Variants in VGLL4 observed in about 807,000 individuals in gnomAD.
VGLL4 encodes vestigial like family member 4.
VGLL4 carries 7 observed loss-of-function variants against 21.0 expected under a neutral mutation model. That is an observed-to-expected ratio of 0.33 (90% confidence interval 0.19 to 0.63). The LOEUF (loss-of-function observed/expected upper bound fraction) is 0.63, where lower values mean the gene tolerates loss of function less well. Among genes scored for constraint, VGLL4 ranks in the 20% least tolerant of loss-of-function variants. VGLL4 has a pLI of 0.78. For missense variants in VGLL4, 394 were observed against 425.7 expected, an observed-to-expected ratio of 0.93 and a Z score of 0.66; for synonymous variants, 222 against 173.2, an observed-to-expected ratio of 1.28 and a Z score of -2.21.
chr3:11,664,929 C>T (rs28631149), intron 2 of VGLL4, among the ~76,000 whole-genome samples: 4,315 of 151,374 alleles, frequency 0.029, 208 homozygotes, highest in African/African-American at 0.099. Context: ...ATTTTCTTTT[C>T]TCTATTTTTT....
At chr3:11,636,653 G>C (rs899954679) in intron 1 of VGLL4, among the ~76,000 whole-genome samples, 5 of 152,186 alleles carry the variant, frequency 3.3e-5, no homozygotes, top group Admixed American at 1.3e-4. Flanking sequence ...GAAAGTCGCT[G>C]TTCAGGCCCT....
chr3:11,718,402 G>A (rs945586099), intron 1 of VGLL4, among the ~76,000 whole-genome samples: 1 of 152,046 alleles, frequency 6.6e-6, no homozygotes, highest in Non-Finnish European at 1.5e-5. Flanking sequence ...CACACCACAG[G>A]GACAGCTTTA....
chr3:11,597,348 C>A (rs749533009), intron 2 of VGLL4, among the ~76,000 whole-genome samples: 7 of 152,234 alleles, frequency 4.6e-5, no homozygotes, highest in Admixed American at 3.3e-4. Flanking sequence ...AACTTCCAAA[C>A]AGACATTCAT....
At position 11,649,893 on chromosome 3, in the gene VGLL4, C is replaced by CGG. The variant is rs1559923451; in HGVS notation, c.65-47872_65-47871insCC. On this transcript the variant is annotated intron_variant, in intron 2 of 5. Transcript: ENST00000273038. ...AACTCCCCCACAGCACACAAGTGCT[C>CGG]TATTTGGTTTGGTTTGGTTTGGTTT... is the stretch of plus-strand genomic sequence containing the variant. 6.9e-5 allele frequency among the ~76,000 whole-genome samples: 10 copies of CGG among 145,588 alleles called. No homozygotes were observed. In the South Asian group the frequency reaches 1.6e-3, roughly 24 times the overall value.
chr3:11,586,398 G>A (rs1467790134), intron 2 of VGLL4, among the ~76,000 whole-genome samples: 1 of 152,130 alleles, frequency 6.6e-6, no homozygotes, highest in Non-Finnish European at 1.5e-5. Flanking sequence ...AATTTGGCTG[G>A]AATATGTAGA....
chr3:11,678,300 T>G (rs1337444915), intron 2 of VGLL4, among the ~76,000 whole-genome samples: 1 of 151,954 alleles, frequency 6.6e-6, no homozygotes, highest in African/African-American at 2.4e-5. Context: ...AAATGATGCA[T>G]CCGCCTCAGC....
At chr3:11,650,171 G>A (rs1575494606) in intron 2 of VGLL4, among the ~76,000 whole-genome samples, 1 of 152,110 alleles carries the variant, frequency 6.6e-6, no homozygotes, top group Non-Finnish European at 1.5e-5. Context: ...CTGGCCTTAA[G>A]CCATCCACCC....
At chr3:11,699,126 T>C (rs1352078156) in intron 2 of VGLL4, among the ~76,000 whole-genome samples, 3 of 152,168 alleles carry the variant, frequency 2.0e-5, no homozygotes, top group African/African-American at 2.4e-5. Context: ...AAAGCTAAAA[T>C]AGAATTAATG....
At chr3:11,590,602 G>C (rs554791614) in intron 2 of VGLL4, among the ~76,000 whole-genome samples, 1 of 152,062 alleles carries the variant, frequency 6.6e-6, no homozygotes, top group East Asian at 1.9e-4. Context: ...GAACATTACT[G>C]CAACATTAAG....
chr3:11,573,427 CAT>C (rs1331746298), intron 2 of VGLL4, among the ~76,000 whole-genome samples: 4 of 152,050 alleles, frequency 2.6e-5, no homozygotes, highest in Admixed American at 2.6e-4. Context: ...AGTCCTCAGA[CAT>C]GTGTCCTGGT....
intron 1 of VGLL4, among the ~76,000 whole-genome samples, chr3:11,634,335 C>A (rs2075544423): frequency 6.6e-6 from 1 of 152,106 alleles, no homozygotes; most frequent in South Asian, 2.1e-4. Flanking sequence ...TCTCCCTCAT[C>A]CGCTGTTCAA....
chr3:11,643,935 C>T (rs2075746215), upstream of VGLL4: 4 of 995,338 alleles, frequency 4.0e-6, no homozygotes, highest in South Asian at 8.9e-5. Flanking sequence ...GACTCCTATG[C>T]CGCCGCTTCC....
chr3:11,594,520 C>A (rs2074585920), intron 2 of VGLL4, among the ~76,000 whole-genome samples: 1 of 152,208 alleles, frequency 6.6e-6, no homozygotes. Flanking sequence ...AGTCTACACA[C>A]ACACAGGTGA....
chr3:11,611,177 A>G (rs1016476664), intron 1 of VGLL4, among the ~76,000 whole-genome samples: 5 of 152,286 alleles, frequency 3.3e-5, no homozygotes, highest in Non-Finnish European at 7.3e-5. Flanking sequence ...TGGCTGAACC[A>G]TGCCCACCCC....
At chr3:11,669,374 C>G (rs1239264946) in intron 2 of VGLL4, among the ~76,000 whole-genome samples, 1 of 151,934 alleles carries the variant, frequency 6.6e-6, no homozygotes, top group Non-Finnish European at 1.5e-5. Context: ...AGAGTAAGAC[C>G]CCGCCTCTAA....
intron 2 of VGLL4, among the ~76,000 whole-genome samples, chr3:11,593,217 A>G (rs1452434230): frequency 6.6e-6 from 1 of 152,212 alleles, no homozygotes; most frequent in Non-Finnish European, 1.5e-5. Flanking sequence ...ATACATCCAA[A>G]CTAAAGGCTC....
chr3:11,661,628 C>A (rs1284711413), intron 2 of VGLL4, among the ~76,000 whole-genome samples: 1 of 151,918 alleles, frequency 6.6e-6, no homozygotes, highest in Non-Finnish European at 1.5e-5. Context: ...TCCACCACCA[C>A]GCCCAGCTAA....
intron 1 of VGLL4, among the ~76,000 whole-genome samples, chr3:11,640,998 T>C (rs1228488700): frequency 1.3e-5 from 2 of 151,236 alleles, no homozygotes; most frequent in Non-Finnish European, 2.9e-5. Context: ...GCACCTGTAA[T>C]CCCAGCTACT....
Position 11,568,830 on chromosome 3 carries a change from ACT to A in VGLL4, c.273-3813_273-3812del. The A allele has an allele frequency of 2.8e-6, 4 of 1,411,018 alleles. No individual in the cohort carries two copies. Among genetic ancestry groups the A allele is most frequent in the Non-Finnish European group, 3.7e-6 (4 of 1,085,466 alleles). The allele number at this position is 1,411,018 out of a possible 1,614,324, so 87.4% of individuals were successfully genotyped here. A position where few individuals can be genotyped will look rare whatever the true frequency, so the allele number is the denominator to read the frequency against. ...CGGCATCCCCGCGAACACCCAAAGG[ACT>A]CTGAGTGGCTCCGTGCCAGGCCTAT... On this transcript the variant is annotated intron_variant, in intron 2 of 4. Coordinates refer to ENST00000430365, the MANE Select transcript of VGLL4 (RefSeq NM_001128219.3). This position sits in a 1 kb window ranked among gnomAD's most constrained non-coding sequence, Gnocchi z 5.9.
Sources: allele counts gnomAD v4.1 joint callset (sites outside exome capture counted in the v4.1 genomes callset), GRCh38; gene constraint gnomAD v4.1.1; non-coding constraint Gnocchi (gnomAD v3.1); transcripts MANE v1.5; gene names NCBI Gene and HGNC (gene_info 2026-07-23, HGNC 2026-07-21).